Variants in CNTNAP4 observed in about 807,000 individuals in gnomAD.
CNTNAP4 encodes contactin-associated protein-like 4.
Under a neutral mutation model 148.4 loss-of-function variants are expected in CNTNAP4, and 98 were observed. That is an observed-to-expected ratio of 0.66 (90% CI 0.56 to 0.78). The LOEUF is 0.78. Among genes scored for constraint, CNTNAP4 ranks in the 30% least tolerant of loss-of-function variants. The pLI is 0.00. For synonymous variants in CNTNAP4, 730 were observed against 565.1 expected (o/e 1.29, Z -4.14); for missense variants, 1,935 against 1,565.6 (o/e 1.24, Z -3.98).
At chr16:76,469,183 A>G (rs1186099960) in intron 10 of CNTNAP4, among the ~76,000 whole-genome samples, 1 of 152,236 alleles carries the variant, frequency 6.6e-6, no homozygotes. Flanking sequence ...TCCTCCCCAC[A>G]AATACTCATT....
chr16:76,322,000 C>A (rs915157922), intron 2 of CNTNAP4, among the ~76,000 whole-genome samples: 2 of 152,072 alleles, frequency 1.3e-5, no homozygotes, highest in Non-Finnish European at 2.9e-5. Flanking sequence ...CAGGCTGGGG[C>A]AGGTGAACTT....
chr16:76,546,930 C>T (rs2084764388), intron 21 of CNTNAP4, among the ~76,000 whole-genome samples: 1 of 152,132 alleles, frequency 6.6e-6, no homozygotes, highest in Non-Finnish European at 1.5e-5. Flanking sequence ...GCTTCTAATG[C>T]TTGCTAATGG....
chr16:76,280,951 A>T (rs1958663667), intron 1 of CNTNAP4, among the ~76,000 whole-genome samples: 1 of 152,128 alleles, frequency 6.6e-6, no homozygotes, highest in South Asian at 2.1e-4. Flanking sequence ...TATGTGAGGG[A>T]GGCTCTCTAG....
At chr16:76,405,261 C>T (rs552063872) in intron 3 of CNTNAP4, among the ~76,000 whole-genome samples, 4 of 152,174 alleles carry the variant, frequency 2.6e-5, no homozygotes, top group Admixed American at 1.3e-4. Flanking sequence ...TAAAACCATG[C>T]GAGTATTGTA....
intron 3 of CNTNAP4, among the ~76,000 whole-genome samples, chr16:76,410,156 G>A (rs1478404973): frequency 6.6e-6 from 1 of 151,576 alleles, no homozygotes; most frequent in African/African-American, 2.4e-5. Flanking sequence ...GTTTGGATGA[G>A]CATACTTAAT....
chr16:76,387,171 A>G (rs893929827), intron 3 of CNTNAP4, among the ~76,000 whole-genome samples: 1 of 152,180 alleles, frequency 6.6e-6, no homozygotes, highest in East Asian at 1.9e-4. Context: ...AATTTTTGGC[A>G]ATTTGGTACA....
chr16:76,323,757 C>T (rs375203813), intron 2 of CNTNAP4, among the ~76,000 whole-genome samples: 9 of 152,252 alleles, frequency 5.9e-5, no homozygotes, highest in African/African-American at 2.2e-4. Flanking sequence ...CCTTTATCGT[C>T]CTTGTCTGCT....
intron 3 of CNTNAP4, among the ~76,000 whole-genome samples, chr16:76,414,179 G>C (rs2078899389): frequency 6.6e-6 from 1 of 151,304 alleles, no homozygotes; most frequent in Admixed American, 6.6e-5. Context: ...GATACTTGCT[G>C]TATGATTTTT....
intron 1 of CNTNAP4, among the ~76,000 whole-genome samples, chr16:76,283,882 C>T (rs886398668): frequency 1.5e-4 from 23 of 152,082 alleles, no homozygotes; most frequent in African/African-American, 5.5e-4. Context: ...TTTTCACTGA[C>T]TGAAAGTTTA....
chr16:76,540,357 G>A (rs964781026), intron 20 of CNTNAP4, among the ~76,000 whole-genome samples: 5 of 152,102 alleles, frequency 3.3e-5, no homozygotes, highest in Non-Finnish European at 5.9e-5. Context: ...AAGTGTTAAG[G>A]TGAAAAATAA....
intron 3 of CNTNAP4, 72 bp from the exon 4 acceptor site, chr16:76,427,380 G>C (rs1432545659): frequency 7.5e-7 from 1 of 1,327,916 alleles, no homozygotes; most frequent in Non-Finnish European, 1.0e-6. Context: ...ATTGCTAATA[G>C]ACATTATAGG....
intron 1 of CNTNAP4, among the ~76,000 whole-genome samples, chr16:76,293,869 A>G (rs940436340): frequency 2.0e-5 from 3 of 150,950 alleles, no homozygotes; most frequent in East Asian, 2.0e-4. Context: ...CCGTGACTGA[A>G]TGTAGCATTT....
intron 1 of CNTNAP4, among the ~76,000 whole-genome samples, chr16:76,312,272 A>G (rs1376128703): frequency 6.6e-6 from 1 of 152,200 alleles, no homozygotes; most frequent in Non-Finnish European, 1.5e-5. Context: ...TGTGATGACA[A>G]AAGTGTCTTC....
chr16:76,374,497 G>T (rs1160870723), intron 3 of CNTNAP4, among the ~76,000 whole-genome samples: 1 of 151,994 alleles, frequency 6.6e-6, no homozygotes, highest in East Asian at 1.9e-4. Flanking sequence ...AGGGAACTGT[G>T]CTCACCTTAA....
In CNTNAP4 at chr16:76,396,821, C is replaced by G. The variant is rs957447597; in HGVS notation, c.391-30631C>G. ...GCATCCTTCTTCCCAATGTGCACATCAAACATCCACATCTCTCAGAAGTCT... is the reference window on the plus strand; with the variant it reads ...GCATCCTTCTTCCCAATGTGCACATGAAACATCCACATCTCTCAGAAGTCT... On this transcript the variant is annotated intron_variant, in intron 3 of 23. Coordinates refer to ENST00000611870, the MANE Select transcript of CNTNAP4 (RefSeq NM_033401.5). 1.2e-4 allele frequency among the ~76,000 whole-genome samples: 19 copies of G among 152,334 alleles called. 1 individual carries two copies. The highest frequency in any genetic ancestry group is 4.6e-4 in the African/African-American group (19 of 41,580).
At chr16:76,453,282 G>A (rs1016388775) in intron 8 of CNTNAP4, among the ~76,000 whole-genome samples, 2 of 152,156 alleles carry the variant, frequency 1.3e-5, no homozygotes, top group African/African-American at 4.8e-5. Flanking sequence ...TACATTTTGA[G>A]GGGATGCAAA....
chr16:76,437,216 G>C (rs1057432204), intron 4 of CNTNAP4, among the ~76,000 whole-genome samples: 6 of 151,986 alleles, frequency 3.9e-5, no homozygotes, highest in Non-Finnish European at 8.8e-5. Flanking sequence ...TTTGCTGGCA[G>C]CTGATTAGTT....
chr16:76,354,997 A>G (rs1490848608), intron 2 of CNTNAP4, among the ~76,000 whole-genome samples: 2 of 152,246 alleles, frequency 1.3e-5, no homozygotes, highest in East Asian at 1.9e-4. Flanking sequence ...ACATGTGTGC[A>G]GTAGACATGC....
At chr16:76,447,856 T>A (rs2080306946) in intron 4 of CNTNAP4, among the ~76,000 whole-genome samples, 156 bp from the exon 5 acceptor site, 1 of 152,214 alleles carries the variant, frequency 6.6e-6, no homozygotes, top group Admixed American at 6.5e-5. Flanking sequence ...TTAAGATGGG[T>A]TTATCAGGAT....
Sources: allele counts gnomAD v4.1 joint callset (sites outside exome capture counted in the v4.1 genomes callset), GRCh38; gene constraint gnomAD v4.1.1; transcripts MANE v1.5; gene names NCBI Gene and HGNC (gene_info 2026-07-23, HGNC 2026-07-21).